The following FSTL5 variants were observed in gnomAD, a reference collection of about 807,000 sequenced individuals.
The protein encoded by FSTL5 is follistatin like 5.
A neutral mutation model predicts 89.1 loss-of-function variants in FSTL5; 62 were observed. The observed-to-expected ratio is 0.70, with a 90% CI of 0.57 to 0.86. FSTL5 has a LOEUF of 0.86. FSTL5 is among the 40% of genes least tolerant of loss of function. The pLI, the probability that FSTL5 is intolerant of heterozygous loss-of-function variation, is 0.00. For synonymous variants in FSTL5, 383 were observed against 346.2 expected, an observed-to-expected ratio of 1.11 and a Z score of -1.18; for missense variants, 1,057 against 1,001.6, an observed-to-expected ratio of 1.06 and a Z score of -0.75.
intron 15 of FSTL5, among the ~76,000 whole-genome samples, chr4:161,425,404 A>C (rs1178062403): frequency 1.3e-5 from 2 of 152,200 alleles, no homozygotes; most frequent in African/African-American, 4.8e-5. Context: ...TCTCTGGCAG[A>C]ATGTCAGCAG....
chr4:161,674,766 G>A (rs9308035), intron 6 of FSTL5, among the ~76,000 whole-genome samples: 119,053 of 152,100 alleles, frequency 0.78, 46,791 homozygotes, highest in East Asian at 0.93. Flanking sequence ...AAGGCTGTCA[G>A]TGTGCAGTAG....
intron 7 of FSTL5, among the ~76,000 whole-genome samples, chr4:161,611,901 T>C (rs1214359410): frequency 2.6e-5 from 4 of 152,252 alleles, no homozygotes; most frequent in African/African-American, 7.2e-5. Flanking sequence ...GCTGCTGTAG[T>C]TAAAACTGCG....
At chr4:161,610,942 T>C (rs1734611659) in intron 7 of FSTL5, among the ~76,000 whole-genome samples, 1 of 151,696 alleles carries the variant, frequency 6.6e-6, no homozygotes, top group Non-Finnish European at 1.5e-5. Context: ...CCTTTTCTCA[T>C]TCATAAGGCA....
At chr4:161,417,155 C>A (rs1578957329) in intron 15 of FSTL5, among the ~76,000 whole-genome samples, 1 of 152,124 alleles carries the variant, frequency 6.6e-6, no homozygotes, top group African/African-American at 2.4e-5. Context: ...TCTCTGCATT[C>A]AACAGTCTCT....
At chr4:161,779,783 A>ATATG (rs1332245841) in intron 4 of FSTL5, among the ~76,000 whole-genome samples, 21 of 38,560 alleles carry the variant, frequency 5.4e-4, no homozygotes, top group Non-Finnish European at 7.3e-4. Flanking sequence ...ATGTATATAT[A>ATATG]TATATATATA....
At chr4:161,946,990 TA>T (rs1734753871) in intron 3 of FSTL5, among the ~76,000 whole-genome samples, 1 of 152,156 alleles carries the variant, frequency 6.6e-6, no homozygotes. Flanking sequence ...TGAATACCTT[TA>T]ATGTAATGAT....
intron 8 of FSTL5, among the ~76,000 whole-genome samples, chr4:161,543,801 T>C (rs1731914577): frequency 6.6e-6 from 1 of 152,008 alleles, no homozygotes; most frequent in Non-Finnish European, 1.5e-5. Context: ...AACAATAAAC[T>C]ATCAGAAGAA....
chr4:161,451,703 A>G (rs1733171084), intron 15 of FSTL5, among the ~76,000 whole-genome samples: 1 of 152,202 alleles, frequency 6.6e-6, no homozygotes, highest in South Asian at 2.1e-4. Context: ...TGGTTCCACA[A>G]ATTTGTGTAC....
chr4:161,586,728 T>C (rs1381291504), intron 8 of FSTL5, among the ~76,000 whole-genome samples: 1 of 152,190 alleles, frequency 6.6e-6, no homozygotes, highest in Non-Finnish European at 1.5e-5. Flanking sequence ...CAGGGCTCCA[T>C]GTGATCTGCC....
At chr4:161,849,080 C>A (rs1019922933) in intron 4 of FSTL5, among the ~76,000 whole-genome samples, 5 of 152,078 alleles carry the variant, frequency 3.3e-5, no homozygotes, top group Admixed American at 3.3e-4. Context: ...CTTTACTGAA[C>A]ATAGTAGTTG....
In FSTL5 at chr4:161,386,419, A is replaced by G; in HGVS notation, c.1872T>C (p.Ala624=). The G allele has an allele frequency of 6.2e-7, 1 of 1,611,834 alleles. No homozygotes were observed. The highest frequency in any genetic ancestry group is 8.5e-7 in the Non-Finnish European group (1 of 1,178,846). ...TTTCAAGATCAATTTTTTGTAGTGC[A>G]GCTTCATCTTTATGAAGAATAAATC... The part of the protein sequence containing the change: ...RFGFILHKDE[A]ALQKIDLETM... Residue 624 remains alanine (A), a synonymous_variant, in exon 16 of 16, where the codon GCT becomes GCC. Coordinates refer to ENST00000306100, the MANE Select transcript of FSTL5 (RefSeq NM_020116.5).
At chr4:161,880,582 A>C (rs764366120) in intron 4 of FSTL5, among the ~76,000 whole-genome samples, 4 of 152,164 alleles carry the variant, frequency 2.6e-5, no homozygotes, top group African/African-American at 4.8e-5. Context: ...ATGTCCACAC[A>C]AAACCATGTA....
intron 7 of FSTL5, among the ~76,000 whole-genome samples, chr4:161,620,518 C>T (rs1444119657): frequency 6.6e-6 from 1 of 151,770 alleles, no homozygotes; most frequent in East Asian, 1.9e-4. Flanking sequence ...TAGCCGGGCG[C>T]GGTGGCAGGC....
chr4:161,416,990 C>A (rs1731811140), intron 15 of FSTL5, among the ~76,000 whole-genome samples: 1 of 152,044 alleles, frequency 6.6e-6, no homozygotes, highest in African/African-American at 2.4e-5. Context: ...ATATAGCTCA[C>A]ATTTAATACA....
intron 3 of FSTL5, among the ~76,000 whole-genome samples, chr4:161,960,115 A>T: frequency 6.6e-6 from 1 of 151,320 alleles, no homozygotes; most frequent in East Asian, 1.9e-4. Context: ...ATTTATTCCT[A>T]TGCTGAAAAT....
At chr4:161,761,974 G>A (rs1001661907) in intron 5 of FSTL5, among the ~76,000 whole-genome samples, 3 of 151,996 alleles carry the variant, frequency 2.0e-5, no homozygotes, top group African/African-American at 7.3e-5. Flanking sequence ...TCACATTCTG[G>A]TGTTTACTAA....
At chr4:162,141,106 C>CTCTTT (rs1393343548) in intron 1 of FSTL5, among the ~76,000 whole-genome samples, 6 of 44,008 alleles carry the variant, frequency 1.4e-4, no homozygotes, top group Non-Finnish European at 2.5e-4. Context: ...TCCCTTCTCT[C>CTCTTT]TTTTTTTTTT....
chr4:161,812,517 A>AACACACACACAC (rs3077014), intron 4 of FSTL5, among the ~76,000 whole-genome samples: 9 of 151,220 alleles, frequency 6.0e-5, no homozygotes, highest in Non-Finnish European at 8.8e-5. Context: ...AGTTAAGAAA[A>AACACACACACAC]ACACACACAC....
chr4:161,556,448 G>T (rs941588158), intron 8 of FSTL5, among the ~76,000 whole-genome samples: 1 of 151,448 alleles, frequency 6.6e-6, no homozygotes. Context: ...AACATGTCTT[G>T]CATCAGACAG....
Sources: gnomAD v4.1 joint callset for allele counts (sites outside exome capture counted in the v4.1 genomes callset) on GRCh38, gnomAD v4.1.1 for gene constraint, MANE v1.5 for transcripts, NCBI Gene and HGNC (gene_info 2026-07-23, HGNC 2026-07-21) for gene names.